The following CCNL1 variants were observed in gnomAD, a reference collection of about 807,000 sequenced individuals.
CCNL1 encodes cyclin-L1.
In CCNL1, 13 loss-of-function variants were observed where a neutral mutation model predicts 60.6. That is an observed-to-expected ratio of 0.21 (90% CI 0.14 to 0.34). CCNL1 has a LOEUF of 0.34. Ranked by LOEUF, CCNL1 falls within the 10% of genes least tolerant of loss-of-function variation. The probability of loss-of-function intolerance (pLI) is 1.00; values close to 1 mark genes in which losing one functional copy is unlikely to be tolerated. For missense variants in CCNL1, 481 were observed against 664.3 expected, an observed-to-expected ratio of 0.72 and a Z score of 3.03; for synonymous variants, 270 against 244.3, an observed-to-expected ratio of 1.10 and a Z score of -0.98.
chr3:157,149,261 G>A (rs777942301), intron 10 of CCNL1, 26 bp downstream of exon 10: 3 of 1,517,222 alleles, frequency 2.0e-6, no homozygotes, highest in Non-Finnish European at 2.7e-6. Flanking sequence ...AAATAAGACT[G>A]CTTCCCTAAG....
chr3:157,149,238 C>T, intron 10 of CCNL1, 49 bp downstream of exon 10: 3 of 1,429,986 alleles, frequency 2.1e-6, no homozygotes, highest in Non-Finnish European at 3.0e-6. Context: ...AAGCAATAAC[C>T]TTTAAAAACT....
rs779133091 is a variant in CCNL1, at chr3:157,160,119, C to A, written c.-25G>T. On this transcript the variant is annotated 5_prime_UTR_variant, in exon 1 of 11. Transcript: ENST00000295926. ...TAGTCTTAGCGAGCCGCACGCAAGCCCAACGCAGCCGGAACCCGAAACAAG... is the reference window on the plus strand; with the variant it reads ...TAGTCTTAGCGAGCCGCACGCAAGCACAACGCAGCCGGAACCCGAAACAAG... 2 of 1,529,148 alleles carry A rather than the reference C, an allele frequency of 1.3e-6. No homozygotes were observed. Among genetic ancestry groups the A allele is most frequent in the African/African-American group, 2.7e-5 (2 of 72,766 alleles). The allele number at this position is 1,529,148 out of a possible 1,614,324, so 94.7% of individuals were successfully genotyped here.
rs1004287794 is a variant in CCNL1, at chr3:157,159,414, G to A, written c.369C>T (p.His123=). ...CCTCCGCTGTGCTTACCTCGAAACTGTGTTTGACGAAAGATTTGGAGTAGA... is the reference window on the plus strand; with the variant it reads ...CCTCCGCTGTGCTTACCTCGAAACTATGTTTGACGAAAGATTTGGAGTAGA... ...RFFYSKSFVK[H]SFEIVAMACI... The change falls in exon 2 of 11, where the codon CAC becomes CAT. Residue 123 remains histidine, a synonymous_variant. Transcript: ENST00000295926. The A allele has an allele frequency of 6.2e-7, 1 of 1,614,128 alleles. No homozygotes were observed. The highest frequency in any genetic ancestry group is 8.5e-7 in the Non-Finnish European group (1 of 1,179,964).
At chr3:157,151,532 T>C in intron 5 of CCNL1, 1 of 985,960 alleles carries the variant, frequency 1.0e-6, no homozygotes, top group South Asian at 4.7e-5. Flanking sequence ...GTGTGGGAAC[T>C]GGTGCCCATT....
chr3:157,150,272 A>G lies in CCNL1; in HGVS notation c.774+10T>C. 1 of 1,613,576 alleles carries G rather than the reference A, an allele frequency of 6.2e-7. No individual in the cohort carries two copies. Among genetic ancestry groups the G allele is most frequent in the South Asian group, 1.1e-5 (1 of 91,062 alleles). ...TATCCTACAGAACAAAATGGGAAAT[A>G]TACACCTACCTGAAGTGCTCTAGCT... is the stretch of plus-strand genomic sequence containing the variant. On this transcript the variant is annotated intron_variant, in intron 6 of 10. Coordinates refer to ENST00000295926, the MANE Select transcript of CCNL1 (RefSeq NM_020307.4).
At chr3:157,151,652 C>G in intron 5 of CCNL1, 75 of 989,988 alleles carry the variant, frequency 7.6e-5, no homozygotes, top group Non-Finnish European at 8.5e-5. Context: ...GGCTGCACAA[C>G]AAATCTATCA....
At chr3:157,152,066 C>T (rs1325242111) in intron 5 of CCNL1, 111 bp downstream of exon 5, 20 of 1,495,296 alleles carry the variant, frequency 1.3e-5, no homozygotes, top group African/African-American at 5.8e-5. Flanking sequence ...AAAAAAACAA[C>T]GAAAAGCCCC....
rs575958424 is a variant in CCNL1, at chr3:157,154,983, C to T, written c.489-1827G>A. Reference sequence around the variant, plus strand: ...ATACATACATACATATAAACATATTCCAAAGATCTTAAGGTCTATGATCAG... The same window carrying T: ...ATACATACATACATATAAACATATTTCAAAGATCTTAAGGTCTATGATCAG... On this transcript the variant is annotated intron_variant, in intron 3 of 10. Coordinates refer to ENST00000295926, the MANE Select transcript of CCNL1 (RefSeq NM_020307.4). Among the ~76,000 whole-genome samples, 13 of 142,686 alleles carry T rather than the reference C, an allele frequency of 9.1e-5. No homozygotes were observed. In the South Asian group the frequency reaches 2.0e-3, roughly 22 times the overall value. 93.6% of individuals were successfully genotyped at this position (142,686 alleles called of 152,430 possible).
intron 3 of CCNL1, among the ~76,000 whole-genome samples, chr3:157,155,732 T>C (rs1003641225): frequency 7.2e-5 from 11 of 152,204 alleles, no homozygotes; most frequent in Non-Finnish European, 1.5e-4. Context: ...TAGTACCTTC[T>C]GTTGCAACAA....
intron 3 of CCNL1, among the ~76,000 whole-genome samples, chr3:157,157,592 A>G (rs763281085): frequency 2.6e-5 from 4 of 152,226 alleles, no homozygotes; most frequent in Non-Finnish European, 5.9e-5. Context: ...ACCTCAGACC[A>G]TACCAAAGAC....
chr3:157,148,320 C>G lies in CCNL1; in HGVS notation c.1502G>C (p.Arg501Pro). Residue 501 changes from arginine to proline, a missense_variant, in exon 11 of 11, where the codon CGA becomes CCA. Arg to Pro is a moderately radical substitution (Grantham distance 103, BLOSUM62 -2). Coordinates refer to ENST00000295926, the MANE Select transcript of CCNL1 (RefSeq NM_020307.4). ...ATGGGACCTCTCAAAGGAGCGAGAT[C>G]GTTCACGCCTGTCCCTATGATGTCC... ...ERGHHRDRRE[R>P]SRSFERSHKS... 6.2e-7 allele frequency: 1 copy of G among 1,614,186 alleles called. No individual in the cohort carries two copies. Among genetic ancestry groups the G allele is most frequent in the Non-Finnish European group, 8.5e-7 (1 of 1,180,034 alleles).
chr3:157,155,183 CG>C (rs1447440806), intron 3 of CCNL1, among the ~76,000 whole-genome samples: 2 of 152,130 alleles, frequency 1.3e-5, no homozygotes, highest in Non-Finnish European at 2.9e-5. Flanking sequence ...AGACAGAAGA[CG>C]GTATCATCAA....
rs1294393693 is a variant in CCNL1, at chr3:157,159,778, G to T, written c.303+14C>A. 7 of 1,522,762 alleles carry T rather than the reference G, an allele frequency of 4.6e-6. No homozygotes were observed. In the Admixed American group the frequency reaches 1.0e-4, roughly 22 times the overall value. 94.3% of individuals were successfully genotyped at this position (1,522,762 alleles called of 1,614,324 possible). On this transcript the variant is annotated intron_variant, in intron 1 of 10. Coordinates refer to ENST00000295926, the MANE Select transcript of CCNL1 (RefSeq NM_020307.4). ...GAGAGGAGCGCCCGGCCGGCCCGGG[G>T]CCGGAGCACTGACCTGCGGCAGCCG... is the stretch of plus-strand genomic sequence containing the variant.
chr3:157,150,878 G>C (rs1196505858), intron 5 of CCNL1: 1 of 984,408 alleles, frequency 1.0e-6, no homozygotes, highest in Non-Finnish European at 1.2e-6. Context: ...CTTATATTAA[G>C]AAAGCTAAGA....
intron 5 of CCNL1, chr3:157,151,693 G>T (rs995405024): frequency 4.0e-6 from 4 of 999,520 alleles, no homozygotes; most frequent in Non-Finnish European, 4.8e-6. Flanking sequence ...ATAGTTACAA[G>T]TATACATTAA....
chr3:157,155,998 TAGA>T (rs933250093), intron 3 of CCNL1, among the ~76,000 whole-genome samples: 2 of 152,186 alleles, frequency 1.3e-5, no homozygotes, highest in African/African-American at 4.8e-5. Flanking sequence ...CTTTGGTCAT[TAGA>T]AGTTTATTAT....
Position 157,152,243 on chromosome 3 carries a change from T to A in CCNL1, c.610-2A>T. 1 of 1,608,576 alleles carries A rather than the reference T, an allele frequency of 6.2e-7. No homozygotes were observed. Among genetic ancestry groups the A allele is most frequent in the Non-Finnish European group, 8.5e-7 (1 of 1,178,432 alleles). ...GACTTGTAAATACATAACAATGATC[T>A]GAAGGACAAGGGAAAAAAACTCAAT... On this transcript the variant is annotated splice_acceptor_variant, in intron 4 of 10. Coordinates refer to ENST00000295926, the MANE Select transcript of CCNL1 (RefSeq NM_020307.4). LOFTEE classifies it high-confidence loss of function.
At chr3:157,150,460 CTACT>C in intron 5 of CCNL1, 79 bp from the exon 6 acceptor site, 1 of 1,515,468 alleles carries the variant, frequency 6.6e-7, no homozygotes, top group Non-Finnish European at 8.9e-7. Context: ...GAGACTCAAT[CTACT>C]TTATTCTTTT....
chr3:157,148,629 TG>T (rs1251072611), intron 10 of CCNL1, 40 bp from the exon 11 acceptor site: 1 of 1,519,406 alleles, frequency 6.6e-7, no homozygotes, highest in Non-Finnish European at 8.9e-7. Context: ...TCAGTTTCTA[TG>T]GGGAACAGAT....
Sources: gnomAD v4.1 joint callset for allele counts (sites outside exome capture counted in the v4.1 genomes callset) on GRCh38, gnomAD v4.1.1 for gene constraint, MANE v1.5 for transcripts, NCBI Gene and HGNC (gene_info 2026-07-23, HGNC 2026-07-21) for gene names.